TANGO6: variants seen among roughly 807,000 people sequenced by gnomAD.
The protein encoded by TANGO6 is transport and golgi organization 6 homolog, also known as transport and Golgi organization protein 6 homolog.
A neutral mutation model predicts 114.2 loss-of-function variants in TANGO6; 90 were observed. That is an observed-to-expected ratio of 0.79 (90% CI 0.66 to 0.94). The LOEUF (loss-of-function observed/expected upper bound fraction) is 0.94. Among genes scored for constraint, TANGO6 ranks in the 40% least tolerant of loss-of-function variants. The pLI, the probability that TANGO6 is intolerant of heterozygous loss-of-function variation, is 0.00. For missense variants in TANGO6, 1,274 were observed against 1,315.3 expected, an observed-to-expected ratio of 0.97 and a Z score of 0.49; for synonymous variants, 477 against 509.8, an observed-to-expected ratio of 0.94 and a Z score of 0.87.
intron 15 of TANGO6, among the ~76,000 whole-genome samples, chr16:69,006,166 T>A (rs910654387): frequency 4.6e-5 from 7 of 152,068 alleles, no homozygotes; most frequent in Non-Finnish European, 1.0e-4. Context: ...AGAACTCAGT[T>A]CCTGTAGTGG....
intron 17 of TANGO6, among the ~76,000 whole-genome samples, chr16:69,082,000 A>T (rs1010870321): frequency 6.6e-6 from 1 of 150,644 alleles, no homozygotes; most frequent in Non-Finnish European, 1.5e-5. Context: ...TTTAAGATGG[A>T]GTCTAGCTCT....
chr16:69,007,773 G>C (rs928237333), intron 15 of TANGO6, among the ~76,000 whole-genome samples: 1 of 152,164 alleles, frequency 6.6e-6, no homozygotes, highest in African/African-American at 2.4e-5. Context: ...ATTTTCACCA[G>C]CAGTGTAGAA....
At chr16:68,919,324 A>T (rs1470276865) in intron 12 of TANGO6, 105 bp downstream of exon 12, 1 of 1,386,412 alleles carries the variant, frequency 7.2e-7, no homozygotes, top group East Asian at 2.5e-5. Context: ...GATATTGTAC[A>T]TAGGAGAACC....
At chr16:68,956,191 G>T (rs147901823) in intron 14 of TANGO6, among the ~76,000 whole-genome samples, 69 of 152,150 alleles carry the variant, frequency 4.5e-4, no homozygotes, top group Middle Eastern at 6.8e-3. Flanking sequence ...ATTACATAGG[G>T]TAACATATTT....
chr16:68,986,274 T>A (rs547170937), intron 15 of TANGO6, among the ~76,000 whole-genome samples: 31 of 152,272 alleles, frequency 2.0e-4, no homozygotes, highest in African/African-American at 7.2e-4. Flanking sequence ...ATATTTTGAA[T>A]GAGGACTGAG....
chr16:69,021,762 G>A (rs531726854), intron 15 of TANGO6, among the ~76,000 whole-genome samples: 1 of 152,120 alleles, frequency 6.6e-6, no homozygotes, highest in African/African-American at 2.4e-5. Flanking sequence ...GGTCTAGCCT[G>A]GGGGCCACAC....
chr16:69,083,463 C>A (rs755267607), intron 17 of TANGO6, 22 bp from the exon 18 acceptor site: 57 of 1,595,356 alleles, frequency 3.6e-5, no homozygotes, highest in Non-Finnish European at 4.6e-5. Flanking sequence ...GACAGGCGGT[C>A]ATGGCTGTCT....
At chr16:69,053,098 G>A (rs8045488) in intron 17 of TANGO6, among the ~76,000 whole-genome samples, 14,737 of 151,816 alleles carry the variant, frequency 0.097, 759 homozygotes, top group African/African-American at 0.11. Context: ...GGCGAAACTC[G>A]GTCTCAAAAA....
intron 1 of TANGO6, among the ~76,000 whole-genome samples, chr16:68,848,152 G>A (rs908848784): frequency 7.2e-5 from 11 of 152,004 alleles, no homozygotes; most frequent in African/African-American, 2.7e-4. Flanking sequence ...CGGGAGTACA[G>A]TGACTATTCA....
At chr16:68,935,246 T>A (rs899350168) in intron 14 of TANGO6, among the ~76,000 whole-genome samples, 9 of 152,296 alleles carry the variant, frequency 5.9e-5, no homozygotes, top group African/African-American at 1.9e-4. Context: ...GTGGTTTGAG[T>A]AGCATTCAGT....
At chr16:68,978,185 A>T (rs1365372729) in intron 15 of TANGO6, among the ~76,000 whole-genome samples, 1 of 152,218 alleles carries the variant, frequency 6.6e-6, no homozygotes, top group African/African-American at 2.4e-5. Context: ...GACAACATCA[A>T]CGTAACATGT....
At chr16:69,076,505 T>A (rs1960381591) in intron 17 of TANGO6, among the ~76,000 whole-genome samples, 1 of 152,200 alleles carries the variant, frequency 6.6e-6, no homozygotes. Flanking sequence ...TTATTTTCAG[T>A]GTAAATGACT....
intron 7 of TANGO6, among the ~76,000 whole-genome samples, chr16:68,887,687 G>A (rs936124709): frequency 3.9e-5 from 6 of 152,084 alleles, no homozygotes; most frequent in African/African-American, 7.2e-5. Context: ...GACCAGCCTG[G>A]CCAGCATGGT....
Position 68,867,197 on chromosome 16 carries a change from G to T in TANGO6, c.971G>T (p.Arg324Leu). 1 of 1,613,828 alleles carries T rather than the reference G, an allele frequency of 6.2e-7. No individual in the cohort carries two copies. Among genetic ancestry groups the T allele is most frequent in the Non-Finnish European group, 8.5e-7 (1 of 1,179,848 alleles). ...CCTAATGGTGTTCAGGCAGTAGTCC[G>T]GGGCATTTTGGAAGGAGCAGGTGGT... ...MRPNGVQAVVRGILEGAGAGA... is the reference protein window; with the variant it reads ...MRPNGVQAVVLGILEGAGAGA... The change falls in exon 4 of 18, where the codon CGG becomes CTG. Residue 324 changes from arginine (R) to leucine (L), a missense_variant. Transcript: ENST00000261778.
chr16:69,022,380 T>C (rs961212258), intron 15 of TANGO6, among the ~76,000 whole-genome samples: 2 of 152,170 alleles, frequency 1.3e-5, no homozygotes, highest in African/African-American at 4.8e-5. Context: ...TGGAGCATGA[T>C]TTTTAATGGT....
chr16:68,871,525 C>G (rs1398326225), intron 4 of TANGO6, among the ~76,000 whole-genome samples: 1 of 152,132 alleles, frequency 6.6e-6, no homozygotes, highest in Non-Finnish European at 1.5e-5. Flanking sequence ...TTGAATGACA[C>G]CAAATATTAT....
At chr16:68,979,931 G>T (rs117594286) in intron 15 of TANGO6, among the ~76,000 whole-genome samples, 1,882 of 150,588 alleles carry the variant, frequency 0.012, 27 homozygotes, top group Admixed American at 0.037. Flanking sequence ...TTCAACGTCC[G>T]GCTGCCAGGT....
intron 15 of TANGO6, among the ~76,000 whole-genome samples, chr16:69,013,724 T>C (rs1959234457): frequency 6.6e-6 from 1 of 150,912 alleles, no homozygotes; most frequent in Non-Finnish European, 1.5e-5. Context: ...TGGCACAATC[T>C]TGGCTCACTG....
At chr16:68,922,984 G>A (rs1041366389) in intron 12 of TANGO6, among the ~76,000 whole-genome samples, 1 of 122,350 alleles carries the variant, frequency 8.2e-6, no homozygotes, top group Non-Finnish European at 1.6e-5. Flanking sequence ...AGTTTCGCTC[G>A]TTGCCCAGGC....
Sources: allele counts gnomAD v4.1 joint callset (sites outside exome capture counted in the v4.1 genomes callset), GRCh38; gene constraint gnomAD v4.1.1; transcripts MANE v1.5; gene names NCBI Gene and HGNC (gene_info 2026-07-23, HGNC 2026-07-21).